Variants in BDH1 observed in about 807,000 individuals in gnomAD.
BDH1 encodes the protein 3-hydroxybutyrate dehydrogenase 1.
Under a neutral mutation model 33.1 loss-of-function variants are expected in BDH1, and 30 were observed. The ratio of observed to expected loss-of-function variants is 0.91; its 90% CI spans 0.68 to 1.23. The LOEUF (loss-of-function observed/expected upper bound fraction) is 1.23. Ranked by LOEUF, BDH1 falls within the 50% of genes most tolerant of loss-of-function variation. The pLI is 0.00. For synonymous variants in BDH1, 190 were observed against 183.6 expected, an observed-to-expected ratio of 1.03 and a Z score of -0.28; for missense variants, 443 against 464.4, an observed-to-expected ratio of 0.95 and a Z score of 0.42.
upstream of BDH1, among the ~76,000 whole-genome samples, chr3:197,559,494 T>A (rs1288812181): frequency 6.6e-6 from 1 of 152,222 alleles, no homozygotes; most frequent in African/African-American, 2.4e-5. Context: ...ACTTTGATCT[T>A]CTCCTTATTT....
In BDH1 at chr3:197,554,231, C is replaced by T. The variant is rs1203017705; in HGVS notation, c.-44+331G>A. On this transcript the variant is annotated intron_variant, in intron 2 of 7. Coordinates refer to ENST00000392379, the MANE Select transcript of BDH1 (RefSeq NM_203314.3). This position sits in a 1 kb window ranked among gnomAD's most constrained non-coding sequence, Gnocchi z 4.4. ...AAAAATCTTTCGCCCAATCTCCTCC[C>T]TTCTGTGCCTCTGTAACTGCACCTA... 3 of 152,262 alleles carry T rather than the reference C, an allele frequency of 2.0e-5. No individual in the cohort carries two copies. The highest frequency in any genetic ancestry group is 4.8e-5 in the African/African-American group (2 of 41,442). 9.4% of individuals were successfully genotyped at this position (152,262 alleles called of 1,614,324 possible). A position where few individuals can be genotyped will look rare whatever the true frequency, so the allele number is the denominator to read the frequency against.
chr3:197,527,947 C>T (rs946681620), intron 5 of BDH1, among the ~76,000 whole-genome samples: 2 of 152,172 alleles, frequency 1.3e-5, no homozygotes, highest in African/African-American at 4.8e-5. Context: ...CATGCTTTAT[C>T]TTCTTTTCCT....
At chr3:197,519,957 C>T (rs559585124) in intron 6 of BDH1, among the ~76,000 whole-genome samples, 86 of 152,230 alleles carry the variant, frequency 5.6e-4, no homozygotes, top group African/African-American at 1.9e-3. Flanking sequence ...GGCTGCAGGG[C>T]GTCAAACTCG....
Position 197,532,539 on chromosome 3 carries a change from G to T in BDH1, c.157-17C>A, listed in dbSNP as rs755250586. ...GCTGCCAACCTGTTTTACAAGGTCA[G>T]ATTCCATGTTAGGAACCGGTGGTAC... On this transcript the variant is annotated splice_polypyrimidine_tract_variant and intron_variant, in intron 4 of 7. Coordinates refer to ENST00000392379, the MANE Select transcript of BDH1 (RefSeq NM_203314.3). 1.2e-6 allele frequency: 2 copies of T among 1,602,178 alleles called. No individual in the cohort carries two copies. The highest frequency in any genetic ancestry group is 1.7e-5 in the Admixed American group (1 of 59,968).
In BDH1 at chr3:197,554,843, G is replaced by T. The variant is rs113639477; in HGVS notation, c.-195-130C>A. The T allele has an allele frequency of 0.053, 8,095 of 152,324 alleles. 344 individuals are homozygous for T. Among genetic ancestry groups the T allele is most frequent in the Middle Eastern group, 0.082 (24 of 294 alleles). The allele number at this position is 152,324 out of a possible 1,614,324, so 9.4% of individuals were successfully genotyped here. A position where few individuals can be genotyped will look rare whatever the true frequency, so the allele number is the denominator to read the frequency against. On this transcript the variant is annotated intron_variant, in intron 1 of 7. Coordinates refer to ENST00000392379, the MANE Select transcript of BDH1 (RefSeq NM_203314.3). The surrounding 1 kb of genome is among the most constrained non-coding windows in gnomAD (Gnocchi z 4.4). ...CAAGGCGCCTGGGCCGCTAGGGACC[G>T]ACCGGAGCGCTCAAACCCACAGGGT...
chr3:197,521,624 C>T lies in BDH1; in HGVS notation c.409+1016G>A, dbSNP rs80052533. Among the ~76,000 whole-genome samples the T allele has an allele frequency of 0.017, 2,655 of 152,194 alleles. 47 individuals carry two copies. The highest frequency in any genetic ancestry group is 0.098 in the East Asian group (504 of 5,168). On this transcript the variant is annotated intron_variant, in intron 6 of 7. Coordinates refer to ENST00000392379, the MANE Select transcript of BDH1 (RefSeq NM_203314.3). This position sits in a 1 kb window ranked among gnomAD's most constrained non-coding sequence, Gnocchi z 4.9. The stretch of plus-strand genomic sequence containing the variant: ...AGCCTGGACATTCCCTCAGGGTGGG[C>T]GCTTCAGTGTCTCCCTATCTCCCCA...
At chr3:197,564,921 T>C (rs1717384692) in intron 1 of BDH1, among the ~76,000 whole-genome samples, 1 of 152,108 alleles carries the variant, frequency 6.6e-6, no homozygotes, top group Non-Finnish European at 1.5e-5. Context: ...TGTTTTGTTT[T>C]TTGTTTTGTT....
chr3:197,552,137 T>C (rs752902021), intron 2 of BDH1, among the ~76,000 whole-genome samples: 1 of 152,226 alleles, frequency 6.6e-6, no homozygotes, highest in Non-Finnish European at 1.5e-5. Context: ...AAACTGAGCC[T>C]GTGCTATTGT....
upstream of BDH1, among the ~76,000 whole-genome samples, chr3:197,560,923 G>A (rs1227719101): frequency 1.3e-5 from 2 of 152,142 alleles, no homozygotes; most frequent in African/African-American, 2.4e-5. Flanking sequence ...CCACCTCCCT[G>A]TCCCACTTTT....
intron 2 of BDH1, among the ~76,000 whole-genome samples, chr3:197,548,180 G>A (rs1716248390): frequency 6.6e-6 from 1 of 152,220 alleles, no homozygotes; most frequent in Non-Finnish European, 1.5e-5. Context: ...AGTTTCCATG[G>A]AAAGCTCCTT....
chr3:197,512,978 A>C (rs1184491861), intron 7 of BDH1, among the ~76,000 whole-genome samples: 1 of 152,136 alleles, frequency 6.6e-6, no homozygotes, highest in Admixed American at 6.5e-5. Flanking sequence ...CCGTGCTGTT[A>C]GGCCCAACTC....
At chr3:197,565,587 G>A (rs529346450) in intron 1 of BDH1, among the ~76,000 whole-genome samples, 1 of 152,188 alleles carries the variant, frequency 6.6e-6, no homozygotes, top group African/African-American at 2.4e-5. Context: ...ATTGGTATGT[G>A]TTCCAAAATC....
At position 197,509,873 on chromosome 3, in the gene BDH1, G is replaced by A. The variant is rs990904220; in HGVS notation, c.*2022C>T. 1 of 152,256 alleles carries A rather than the reference G, an allele frequency of 6.6e-6. No individual in the cohort carries two copies. Among genetic ancestry groups the A allele is most frequent in the Admixed American group, 6.5e-5 (1 of 15,292 alleles). The allele number at this position is 152,256 out of a possible 1,614,324, so 9.4% of individuals were successfully genotyped here. ...TTCCGAAAGGATCCTGCTAGAACAA[G>A]GTCCACGGTACAAAAGCATCCTATG... On this transcript the variant is annotated 3_prime_UTR_variant, in exon 8 of 8. Coordinates refer to ENST00000392379, the MANE Select transcript of BDH1 (RefSeq NM_203314.3).
chr3:197,560,471 G>C (rs1185892568), upstream of BDH1, among the ~76,000 whole-genome samples: 1 of 152,200 alleles, frequency 6.6e-6, no homozygotes, highest in African/African-American at 2.4e-5. Flanking sequence ...TAGCCAATCA[G>C]GACAAATACA....
In BDH1 at chr3:197,526,667, C is replaced by A. The variant is rs192009016; in HGVS notation, c.268-3886G>T. Among the ~76,000 whole-genome samples the A allele has an allele frequency of 2.6e-5, 4 of 152,370 alleles. No homozygotes were observed. The East Asian group carries it at 5.8e-4, about 22-fold the overall frequency. ...TGGTTACCCTTAAGGTGACTCCAAG[C>A]AGCTCTCTCCACTGTCCACACAGGG... On this transcript the variant is annotated intron_variant, in intron 5 of 7. Transcript: ENST00000392379. The surrounding 1 kb of genome is among the most constrained non-coding windows in gnomAD (Gnocchi z 4.7).
At chr3:197,560,302 T>C (rs143601501), upstream of BDH1, among the ~76,000 whole-genome samples, 1,165 of 152,354 alleles carry the variant, frequency 7.6e-3, 19 homozygotes, top group African/African-American at 0.027. Context: ...CCTAAATATT[T>C]GCCGTGGTGT....
At chr3:197,524,657 A>G (rs1713902749) in intron 5 of BDH1, among the ~76,000 whole-genome samples, 1 of 151,450 alleles carries the variant, frequency 6.6e-6, no homozygotes, top group Non-Finnish European at 1.5e-5. Context: ...CGTGATCTTC[A>G]CAGTCTGGAG....
chr3:197,570,282 C>T (rs71325624), intron 1 of BDH1, among the ~76,000 whole-genome samples: 1,841 of 152,232 alleles, frequency 0.012, 43 homozygotes, highest in African/African-American at 0.042. Flanking sequence ...GGAAACAGAA[C>T]ATAAAAGTTT....
intron 1 of BDH1, among the ~76,000 whole-genome samples, chr3:197,561,602 T>C (rs962291274): frequency 3.9e-5 from 6 of 152,190 alleles, no homozygotes; most frequent in African/African-American, 1.4e-4. Context: ...CCTTTACCAT[T>C]AGAGTGCTCA....
Sources: gnomAD v4.1 joint callset for allele counts (sites outside exome capture counted in the v4.1 genomes callset) on GRCh38, gnomAD v4.1.1 for gene constraint, Gnocchi (gnomAD v3.1) non-coding constraint, MANE v1.5 for transcripts, NCBI Gene and HGNC (gene_info 2026-07-23, HGNC 2026-07-21) for gene names.